NTM: variants seen among roughly 807,000 people sequenced by gnomAD.
NTM encodes neurotrimin.
NTM carries 13 observed loss-of-function variants against 42.1 expected under a neutral mutation model. That is an observed-to-expected ratio of 0.31 (90% confidence interval 0.20 to 0.49). NTM has a LOEUF of 0.49. NTM is among the 20% of genes least tolerant of loss of function. NTM has a pLI of 0.99. For missense variants in NTM, 373 were observed against 452.8 expected, an observed-to-expected ratio of 0.82 and a Z score of 1.60; for synonymous variants, 187 against 179.2, an observed-to-expected ratio of 1.04 and a Z score of -0.35.
chr11:132,142,841 G>A (rs2069485253), intron 2 of NTM, among the ~76,000 whole-genome samples: 1 of 152,228 alleles, frequency 6.6e-6, no homozygotes, highest in South Asian at 2.1e-4. Context: ...TGGCCCTGTA[G>A]TGCGGTGCAG....
intron 1 of NTM, among the ~76,000 whole-genome samples, chr11:131,459,103 T>C (rs80124360): frequency 0.03 from 4,609 of 152,356 alleles, 93 homozygotes; most frequent in Non-Finnish European, 0.044. Context: ...TTAAAATGCC[T>C]TCATGGATCT....
At position 131,749,663 on chromosome 11, in the gene NTM, G is replaced by A. The variant is rs541321954; in HGVS notation, c.83-161901G>A. On this transcript the variant is annotated intron_variant, in intron 1 of 8. Coordinates refer to ENST00000683400, the MANE Select transcript of NTM (RefSeq NM_001352005.2). ...ACCCAGGCTGGAGTGCAATGGCATG[G>A]TCTCAGCTCACTGCAACCTCTGCCT... is the stretch of plus-strand genomic sequence containing the variant. Among the ~76,000 whole-genome samples, 12 of 152,176 alleles carry A rather than the reference G, an allele frequency of 7.9e-5. No homozygotes were observed. The South Asian group carries it at 2.3e-3, about 29-fold the overall frequency.
intron 7 of NTM, among the ~76,000 whole-genome samples, chr11:132,326,170 TAATAA>T (rs576255800): frequency 4.0e-5 from 6 of 151,724 alleles, no homozygotes; most frequent in Non-Finnish European, 8.8e-5. Flanking sequence ...AGTAAAATAA[TAATAA>T]AATAAAAAAT....
At chr11:132,314,499 T>G in intron 6 of NTM, 53 bp from the exon 7 acceptor site, 1 of 1,557,554 alleles carries the variant, frequency 6.4e-7, no homozygotes, top group Non-Finnish European at 8.7e-7. Context: ...CTTCTTCCTA[T>G]GAGGACACAT....
chr11:131,938,693 C>T (rs894384745), intron 2 of NTM, among the ~76,000 whole-genome samples: 1 of 152,128 alleles, frequency 6.6e-6, no homozygotes, highest in South Asian at 2.1e-4. Flanking sequence ...CTTCCTGTGG[C>T]TGTGCCTATA....
At chr11:132,286,625 T>A (rs1474185309) in intron 4 of NTM, among the ~76,000 whole-genome samples, 1 of 152,186 alleles carries the variant, frequency 6.6e-6, no homozygotes, top group Non-Finnish European at 1.5e-5. Context: ...TGATACTCAA[T>A]GGTTTTCAAC....
chr11:131,596,397 T>C (rs2059812271), intron 1 of NTM, among the ~76,000 whole-genome samples: 1 of 152,240 alleles, frequency 6.6e-6, no homozygotes, highest in South Asian at 2.1e-4. Flanking sequence ...CATCACGGCA[T>C]CGTAGGTAAA....
chr11:131,709,310 T>G (rs1244098365), intron 1 of NTM, among the ~76,000 whole-genome samples: 1 of 152,174 alleles, frequency 6.6e-6, no homozygotes, highest in African/African-American at 2.4e-5. Context: ...AAATAACTCA[T>G]GTTTTAAACA....
chr11:132,310,078 G>T (rs566582074), intron 5 of NTM, 34 bp from the exon 6 acceptor site: 231 of 1,540,536 alleles, frequency 1.5e-4, no homozygotes, highest in Middle Eastern at 4.2e-4. Context: ...AAAAAAAGGT[G>T]GGGGGGCGGC....
At chr11:131,538,403 G>A (rs1451518013) in intron 1 of NTM, 10 of 152,192 alleles carry the variant, frequency 6.6e-5, no homozygotes, top group African/African-American at 2.4e-4. Context: ...TTATTGCTGT[G>A]CTATGTGGGT....
intron 1 of NTM, among the ~76,000 whole-genome samples, chr11:131,726,869 A>G (rs984559239): frequency 3.3e-5 from 5 of 151,278 alleles, no homozygotes; most frequent in African/African-American, 7.4e-5. Flanking sequence ...GTGCACCACC[A>G]TGCATGGCTA....
Position 132,212,163 on chromosome 11 carries a change from GTTGCA to G in NTM, c.526+23_526+27del, listed in dbSNP as rs773323325. Reference sequence around the variant, plus strand: ...TCTCCCAAAGGTAAGAGAACAGTTTGTTGCATTGCATCATGAGGATAAATGGGGGA... The same window carrying G: ...TCTCCCAAAGGTAAGAGAACAGTTTGTTGCATCATGAGGATAAATGGGGGA... On this transcript the variant is annotated intron_variant, in intron 4 of 8. Transcript: ENST00000683400. 3 of 1,606,090 alleles carry G rather than the reference GTTGCA, an allele frequency of 1.9e-6. No individual in the cohort carries two copies. The highest frequency in any genetic ancestry group is 3.3e-4 in the Middle Eastern group (2 of 6,038).
chr11:132,109,328 A>G (rs1454021546), intron 2 of NTM, among the ~76,000 whole-genome samples: 1 of 152,154 alleles, frequency 6.6e-6, no homozygotes, highest in Admixed American at 6.5e-5. Flanking sequence ...ACAGTGTAAA[A>G]GCATTCCCAT....
In NTM at chr11:131,487,432, G is replaced by T. The variant is rs1237403922; in HGVS notation, c.82+116544G>T. ...AAATTATGACTCAGATAAGCTAATT[G>T]ATTGGTTAAAGGTTACCAAGCTAGT... On this transcript the variant is annotated intron_variant, in intron 1 of 8. Coordinates refer to ENST00000683400, the MANE Select transcript of NTM (RefSeq NM_001352005.2). Among the ~76,000 whole-genome samples the T allele has an allele frequency of 1.3e-5, 2 of 152,140 alleles. 1 individual carries two copies. Among genetic ancestry groups the T allele is most frequent in the Non-Finnish European group, 2.9e-5 (2 of 68,030 alleles).
At chr11:131,463,768 C>G (rs191247494) in intron 1 of NTM, among the ~76,000 whole-genome samples, 1 of 152,170 alleles carries the variant, frequency 6.6e-6, no homozygotes, top group Non-Finnish European at 1.5e-5. Flanking sequence ...GCTGGGGCAT[C>G]GGCGCCTCTC....
intron 4 of NTM, among the ~76,000 whole-genome samples, chr11:132,224,271 A>C (rs1315237158): frequency 6.6e-6 from 1 of 152,100 alleles, no homozygotes; most frequent in Non-Finnish European, 1.5e-5. Flanking sequence ...AAATGAAGGC[A>C]GTTCAGGGAG....
Position 132,080,242 on chromosome 11 carries a change from T to A in NTM, c.168-66040T>A, listed in dbSNP as rs556693064. Among the ~76,000 whole-genome samples, 12 of 152,232 alleles carry A rather than the reference T, an allele frequency of 7.9e-5. 1 individual carries two copies. The South Asian group carries it at 2.5e-3, about 32-fold the overall frequency. On this transcript the variant is annotated intron_variant, in intron 2 of 8. Coordinates refer to ENST00000683400, the MANE Select transcript of NTM (RefSeq NM_001352005.2). ...CTCCCATTGAGTAAGCAACTGAAAG[T>A]GAGCTTACAGCCTGTGTAGGACATC...
At chr11:131,726,358 C>T (rs2078973762) in intron 1 of NTM, among the ~76,000 whole-genome samples, 1 of 144,920 alleles carries the variant, frequency 6.9e-6, no homozygotes, top group South Asian at 2.1e-4. Flanking sequence ...CCTTGGTTCT[C>T]CCTGTGGTCC....
Position 131,370,819 on chromosome 11 carries a change from C to A in NTM, c.13C>A (p.Gln5Lys). Residue 5 changes from glutamine (Q) to lysine (K), a missense_variant, in exon 1 of 9, where the codon CAG becomes AAG. Transcript: ENST00000683400. ...AAGAAAAAAAATCATGAAAACCATC[C>A]AGCCAAAAATGCACAATTCTATCTC... MKTIQPKMHNSISWA... is the reference protein window; with the variant it reads MKTIKPKMHNSISWA... 1 of 1,613,326 alleles carries A rather than the reference C, an allele frequency of 6.2e-7. No individual in the cohort carries two copies. The highest frequency in any genetic ancestry group is 8.5e-7 in the Non-Finnish European group (1 of 1,179,768).
Sources: gnomAD v4.1 joint callset for allele counts (sites outside exome capture counted in the v4.1 genomes callset) on GRCh38, gnomAD v4.1.1 for gene constraint, MANE v1.5 for transcripts, NCBI Gene and HGNC (gene_info 2026-07-23, HGNC 2026-07-21) for gene names.